The following ELAPOR2 variants were observed in gnomAD, a reference collection of about 807,000 sequenced individuals.
The protein encoded by ELAPOR2 is endosome-lysosome associated apoptosis and autophagy regulator family member 2, also known as endosome/lysosome-associated apoptosis and autophagy regulator family member 2.
ELAPOR2 carries 89 observed loss-of-function variants against 120.7 expected under a neutral mutation model. The ratio of observed to expected loss-of-function variants is 0.74; its 90% CI spans 0.62 to 0.88. ELAPOR2 has a LOEUF of 0.88. ELAPOR2 is among the 40% of genes least tolerant of loss of function. ELAPOR2 has a pLI of 0.00. For missense variants in ELAPOR2, 1,134 were observed against 1,251.6 expected (o/e 0.91, Z 1.42); for synonymous variants, 444 against 444.9 (o/e 1.00, Z 0.03).
intron 2 of ELAPOR2, among the ~76,000 whole-genome samples, chr7:86,951,358 T>C (rs36098544): frequency 0.13 from 20,063 of 152,264 alleles, 1,520 homozygotes; most frequent in Non-Finnish European, 0.17. Flanking sequence ...TAAAAGGTAA[T>C]ATTTTATGAT....
intron 3 of ELAPOR2, among the ~76,000 whole-genome samples, chr7:86,945,606 T>C (rs1425492651): frequency 6.6e-6 from 1 of 152,220 alleles, no homozygotes; most frequent in Non-Finnish European, 1.5e-5. Flanking sequence ...TTGTAGGGTT[T>C]ATAACATGTT....
intron 1 of ELAPOR2, among the ~76,000 whole-genome samples, chr7:87,026,270 T>C (rs1203395328): frequency 6.6e-6 from 1 of 152,072 alleles, no homozygotes; most frequent in East Asian, 1.9e-4. Context: ...CATTAATAAA[T>C]TGTATGTTTA....
At chr7:86,998,126 A>T (rs559754231) in intron 1 of ELAPOR2, among the ~76,000 whole-genome samples, 1 of 152,338 alleles carries the variant, frequency 6.6e-6, no homozygotes, top group African/African-American at 2.4e-5. Flanking sequence ...GCACTTGAGG[A>T]TATAAAAGAA....
intron 1 of ELAPOR2, among the ~76,000 whole-genome samples, chr7:86,971,995 C>G (rs565736625): frequency 6.6e-6 from 1 of 152,140 alleles, no homozygotes; most frequent in Admixed American, 6.5e-5. Flanking sequence ...AACCAGGCAA[C>G]CATGGCTAGG....
At chr7:86,905,860 G>C (rs1272535573) in intron 18 of ELAPOR2, among the ~76,000 whole-genome samples, 1 of 152,130 alleles carries the variant, frequency 6.6e-6, no homozygotes, top group Non-Finnish European at 1.5e-5. Flanking sequence ...TTCCCTAAGT[G>C]GCAGATTCCT....
rs1799269328 is a variant in ELAPOR2 at position 86,878,843 on chromosome 7, G to A, written c.*1628C>T. Reference sequence around the variant, plus strand: ...CTCCCTGAATCCCAGAGCAAACAATGACAACCTCACCTATACTCATATGTG... The same window carrying A: ...CTCCCTGAATCCCAGAGCAAACAATAACAACCTCACCTATACTCATATGTG... On this transcript the variant is annotated 3_prime_UTR_variant, in exon 22 of 22. Transcript: ENST00000450689. The A allele has an allele frequency of 6.6e-6, 1 of 152,098 alleles. No individual in the cohort carries two copies. The highest frequency in any genetic ancestry group is 1.5e-5 in the Non-Finnish European group (1 of 68,006). 9.4% of individuals were successfully genotyped at this position (152,098 alleles called of 1,614,324 possible).
chr7:86,909,920 T>G lies in ELAPOR2; in HGVS notation c.2251A>C (p.Asn751His). 2 of 1,613,458 alleles carry G rather than the reference T, an allele frequency of 1.2e-6. No individual in the cohort carries two copies. Among genetic ancestry groups the G allele is most frequent in the Non-Finnish European group, 1.7e-6 (2 of 1,179,600 alleles). ...TGGCATACAAATGCCCCTACCAAATTTGTGTAATCATCTGACCCTGCCACT... is the reference window on the plus strand; with the variant it reads ...TGGCATACAAATGCCCCTACCAAATGTGTGTAATCATCTGACCCTGCCACT... ...EIVAGSDDYT[N>H]LVGAFVCQST... The change falls in exon 16 of 22, where the codon AAT (asparagine) becomes CAT (histidine). Residue 751 changes from asparagine (N) to histidine (H), a missense_variant. Physicochemically the swap from Asn to His is moderately conservative, Grantham distance 68 (BLOSUM62 1). Transcript: ENST00000450689.
intron 21 of ELAPOR2, among the ~76,000 whole-genome samples, chr7:86,890,421 G>A (rs1233489286): frequency 6.6e-6 from 1 of 151,986 alleles, no homozygotes; most frequent in Non-Finnish European, 1.5e-5. Context: ...GGATGGGCAT[G>A]TTTACTGTTC....
intron 8 of ELAPOR2, among the ~76,000 whole-genome samples, chr7:86,931,546 T>A (rs926005538): frequency 2.6e-5 from 4 of 151,930 alleles, no homozygotes; most frequent in Admixed American, 1.3e-4. Flanking sequence ...AATTTTCTCA[T>A]ACCGTATGCC....
intron 1 of ELAPOR2, among the ~76,000 whole-genome samples, chr7:86,994,856 T>C: frequency 6.6e-6 from 1 of 152,178 alleles, no homozygotes; most frequent in East Asian, 1.9e-4. Flanking sequence ...CCATACTTCA[T>C]TCATTCTTTA....
rs75878588 is a variant in ELAPOR2, at chr7:86,918,518, G to A, written c.1517C>T (p.Thr506Met). The change falls in exon 12 of 22, where the codon ACG (threonine) becomes ATG (methionine). Residue 506 changes from threonine to methionine, a missense_variant. Physicochemically the swap from Thr to Met is moderately conservative, Grantham distance 81. Coordinates refer to ENST00000450689, the MANE Select transcript of ELAPOR2 (RefSeq NM_001142749.3). ...FKPPTSMTGA[T>M]GSELGRITFV... is the part of the protein sequence containing the mutation. ...TGTTATTCTTCCTAGTTCAGAACCC[G>A]TGGCTCCAGTCATAGATGTTGGTGG... The A allele has an allele frequency of 5.1e-3, 8,165 of 1,611,982 alleles. 28 individuals are homozygous for A. Among genetic ancestry groups the A allele is most frequent in the Non-Finnish European group, 6.0e-3 (7,124 of 1,178,306 alleles).
intron 8 of ELAPOR2, among the ~76,000 whole-genome samples, chr7:86,929,292 A>G (rs1790218316): frequency 1.3e-5 from 2 of 151,946 alleles, no homozygotes; most frequent in African/African-American, 4.8e-5. Context: ...CACTTCACAA[A>G]TGCACTAAGT....
At position 86,908,567 on chromosome 7, in the gene ELAPOR2, T is replaced by C. The variant is rs187851046; in HGVS notation, c.2360-24A>G. 1.9e-4 allele frequency: 195 copies of C among 1,047,930 alleles called. 1 individual carries two copies. The Middle Eastern group carries it at 1.9e-3, about 10-fold the overall frequency. 64.9% of individuals were successfully genotyped at this position (1,047,930 alleles called of 1,614,324 possible). On this transcript the variant is annotated intron_variant, in intron 16 of 21. Coordinates refer to ENST00000450689, the MANE Select transcript of ELAPOR2 (RefSeq NM_001142749.3). Reference sequence around the variant, plus strand: ...TCCTAGATGACATTTAAAAAGAAACTATTAAGCAATATGGAAAATTAGTTT... The same window carrying C: ...TCCTAGATGACATTTAAAAAGAAACCATTAAGCAATATGGAAAATTAGTTT...
intron 8 of ELAPOR2, among the ~76,000 whole-genome samples, chr7:86,932,312 T>C (rs756600930): frequency 1.3e-5 from 2 of 151,970 alleles, no homozygotes; most frequent in African/African-American, 2.4e-5. Flanking sequence ...CCCAGTTAAA[T>C]GAGTCAACAG....
At chr7:86,976,580 T>C (rs145820158) in intron 1 of ELAPOR2, among the ~76,000 whole-genome samples, 1 of 151,784 alleles carries the variant, frequency 6.6e-6, no homozygotes, top group South Asian at 2.1e-4. Flanking sequence ...ACACAAAAGA[T>C]AAAAACAGCC....
chr7:86,908,706 C>T (rs969090723), intron 16 of ELAPOR2, among the ~76,000 whole-genome samples, 163 bp from the exon 17 acceptor site: 6 of 151,958 alleles, frequency 3.9e-5, no homozygotes, highest in Non-Finnish European at 5.9e-5. Context: ...AGAAATTTTC[C>T]AAAGTCTCCA....
intron 1 of ELAPOR2, among the ~76,000 whole-genome samples, chr7:87,013,165 T>C (rs1271069424): frequency 6.6e-6 from 1 of 152,192 alleles, no homozygotes; most frequent in Non-Finnish European, 1.5e-5. Flanking sequence ...GGGTCTACTT[T>C]ATATCACAGT....
At chr7:87,052,951 C>G (rs1278009391) in intron 1 of ELAPOR2, among the ~76,000 whole-genome samples, 1 of 152,038 alleles carries the variant, frequency 6.6e-6, no homozygotes, top group Non-Finnish European at 1.5e-5. Context: ...CCCATGCCAC[C>G]ATGCCCAGCT....
chr7:86,906,856 C>T (rs1380812732), intron 18 of ELAPOR2, among the ~76,000 whole-genome samples: 1 of 151,588 alleles, frequency 6.6e-6, no homozygotes, highest in East Asian at 1.9e-4. Flanking sequence ...TAGGGAGATT[C>T]CCATCTCTAC....
Sources: gnomAD v4.1 joint callset for allele counts (sites outside exome capture counted in the v4.1 genomes callset) on GRCh38, gnomAD v4.1.1 for gene constraint, MANE v1.5 for transcripts, NCBI Gene and HGNC (gene_info 2026-07-23, HGNC 2026-07-21) for gene names.